Variants in EXOC2 observed in about 807,000 individuals in gnomAD.
EXOC2 encodes SEC5-like 1.
In EXOC2, 70 loss-of-function variants were observed where a neutral mutation model predicts 131.8. That is an observed-to-expected ratio of 0.53 (90% CI 0.44 to 0.65). The LOEUF (loss-of-function observed/expected upper bound fraction) is 0.65, where lower values mean the gene tolerates loss of function less well. EXOC2 is among the 30% of genes least tolerant of loss of function. The pLI, the probability that EXOC2 is intolerant of heterozygous loss-of-function variation, is 0.00. For missense variants in EXOC2, 923 were observed against 1,108.6 expected, an observed-to-expected ratio of 0.83 and a Z score of 2.38; for synonymous variants, 411 against 398.4, an observed-to-expected ratio of 1.03 and a Z score of -0.38.
At position 604,734 on chromosome 6, in the gene EXOC2, C is replaced by T. The variant is rs568512519; in HGVS notation, c.742+5364G>A. On this transcript the variant is annotated intron_variant, in intron 7 of 27. Coordinates refer to ENST00000230449, the MANE Select transcript of EXOC2 (RefSeq NM_018303.6). ...CGCTGGCCCTGCGGGGACACACCTG[C>T]CTCCCTCCACTCAGCCACCCACCGC... Among the ~76,000 whole-genome samples the T allele has an allele frequency of 1.7e-3, 256 of 147,564 alleles. 1 individual carries two copies. Among genetic ancestry groups the T allele is most frequent in the African/African-American group, 6.2e-3 (240 of 38,878 alleles).
intron 23 of EXOC2, among the ~76,000 whole-genome samples, chr6:515,499 T>C (rs910960313): frequency 1.8e-4 from 28 of 152,340 alleles, no homozygotes; most frequent in African/African-American, 6.7e-4. Context: ...CCTGACGCCC[T>C]GAGCACAGAC....
intron 13 of EXOC2, among the ~76,000 whole-genome samples, chr6:566,671 G>T (rs1265146850): frequency 6.6e-6 from 1 of 150,956 alleles, no homozygotes; most frequent in East Asian, 1.9e-4. Flanking sequence ...GTTGCAGTTT[G>T]TTAGGTCTTA....
intron 14 of EXOC2, 76 bp from the exon 15 acceptor site, chr6:564,778 G>A (rs908018268): frequency 6.3e-7 from 1 of 1,579,454 alleles, no homozygotes. Flanking sequence ...ATGCTGCCTG[G>A]GCAGTAATGG....
intron 15 of EXOC2, among the ~76,000 whole-genome samples, 157 bp from the exon 16 acceptor site, chr6:564,311 G>T (rs921559244): frequency 1.3e-5 from 2 of 152,150 alleles, no homozygotes; most frequent in Non-Finnish European, 2.9e-5. Context: ...TACTGTCAGA[G>T]TAATACTGAG....
At chr6:525,666 A>G (rs1035128323) in intron 23 of EXOC2, 1 of 152,216 alleles carries the variant, frequency 6.6e-6, no homozygotes, top group African/African-American at 2.4e-5. Context: ...AAATACATCT[A>G]TTCTGCCCCA....
chr6:584,792 G>A (rs1336684847), intron 11 of EXOC2, among the ~76,000 whole-genome samples: 1 of 152,210 alleles, frequency 6.6e-6, no homozygotes, highest in Non-Finnish European at 1.5e-5. Flanking sequence ...TGTCCTTTTA[G>A]AAGTTCTAAT....
At chr6:610,695 T>C (rs1303722037) in intron 6 of EXOC2, among the ~76,000 whole-genome samples, 1 of 152,182 alleles carries the variant, frequency 6.6e-6, no homozygotes, top group Non-Finnish European at 1.5e-5. Context: ...AGATAATTGG[T>C]CAGAAAATTC....
At chr6:625,094 T>C (rs1249339047) in intron 4 of EXOC2, among the ~76,000 whole-genome samples, 1 of 152,226 alleles carries the variant, frequency 6.6e-6, no homozygotes, top group South Asian at 2.1e-4. Flanking sequence ...TAGATGGCAG[T>C]GTAAGGTCAG....
At chr6:681,074 C>T (rs1038964905) in intron 1 of EXOC2, among the ~76,000 whole-genome samples, 2 of 152,170 alleles carry the variant, frequency 1.3e-5, no homozygotes, top group African/African-American at 4.8e-5. Flanking sequence ...GATGCCATTC[C>T]TTGATTCTGT....
intron 7 of EXOC2, among the ~76,000 whole-genome samples, chr6:600,820 T>C (rs1760090952): frequency 6.6e-6 from 1 of 152,196 alleles, no homozygotes; most frequent in Non-Finnish European, 1.5e-5. Context: ...ATACATGTAC[T>C]TATATGTTGA....
intron 3 of EXOC2, among the ~76,000 whole-genome samples, chr6:632,114 A>G (rs188376068): frequency 6.6e-6 from 1 of 152,340 alleles, no homozygotes; most frequent in Admixed American, 6.5e-5. Context: ...TCTTATTCTA[A>G]AAAGGGAAAG....
At chr6:588,750 G>C (rs1759357882) in intron 11 of EXOC2, among the ~76,000 whole-genome samples, 1 of 152,116 alleles carries the variant, frequency 6.6e-6, no homozygotes, top group African/African-American at 2.4e-5. Flanking sequence ...TGATGAACAA[G>C]GTGCGCAACA....
At chr6:618,746 C>T (rs935061053) in intron 5 of EXOC2, among the ~76,000 whole-genome samples, 9 of 152,148 alleles carry the variant, frequency 5.9e-5, no homozygotes, top group African/African-American at 2.2e-4. Context: ...TCTAGTAATG[C>T]TTTTCACCCT....
At position 562,712 on chromosome 6, in the gene EXOC2, C is replaced by T. The variant is rs568837316; in HGVS notation, c.1851+72G>A. 1.8e-5 allele frequency: 18 copies of T among 1,013,482 alleles called. No individual in the cohort carries two copies. The African/African-American group carries it at 2.8e-4, about 16-fold the overall frequency. The allele number at this position is 1,013,482 out of a possible 1,614,324, so 62.8% of individuals were successfully genotyped here. A position where few individuals can be genotyped will look rare whatever the true frequency, so the allele number is the denominator to read the frequency against. On this transcript the variant is annotated intron_variant, in intron 17 of 27. Transcript: ENST00000230449. Reference sequence around the variant, plus strand: ...GCTGCAACACATGGAGCACATGCTCCCTATTAATATGATAAACTATTTATT... The same window carrying T: ...GCTGCAACACATGGAGCACATGCTCTCTATTAATATGATAAACTATTTATT...
chr6:658,651 A>ATG, intron 1 of EXOC2, among the ~76,000 whole-genome samples: 1 of 75,816 alleles, frequency 1.3e-5, no homozygotes, highest in Middle Eastern at 5.1e-3. Flanking sequence ...TATTTTATAT[A>ATG]TATATATATA....
intron 2 of EXOC2, among the ~76,000 whole-genome samples, chr6:636,618 A>G (rs13215424): frequency 6.6e-6 from 1 of 152,244 alleles, no homozygotes; most frequent in East Asian, 1.9e-4. Flanking sequence ...AGGAAAAGCA[A>G]GTTCCAATTC....
At chr6:594,012 C>T (rs3823130) in intron 10 of EXOC2, among the ~76,000 whole-genome samples, 16,954 of 152,266 alleles carry the variant, frequency 0.11, 1,167 homozygotes, top group East Asian at 0.15. Context: ...ACTCAGGCTG[C>T]CCAGAGGTGG....
chr6:585,638 T>C (rs1427613527), intron 11 of EXOC2, among the ~76,000 whole-genome samples: 1 of 152,230 alleles, frequency 6.6e-6, no homozygotes, highest in Admixed American at 6.5e-5. Flanking sequence ...CAGGGCTACA[T>C]ACAATTAACA....
At chr6:516,941 ACGC>A (rs1274231669) in intron 23 of EXOC2, among the ~76,000 whole-genome samples, 3 of 152,174 alleles carry the variant, frequency 2.0e-5, no homozygotes, top group Admixed American at 6.5e-5. Flanking sequence ...GGTAGAGGGA[ACGC>A]AGGCAGCCTT....
Sources: allele counts gnomAD v4.1 joint callset (sites outside exome capture counted in the v4.1 genomes callset), GRCh38; gene constraint gnomAD v4.1.1; transcripts MANE v1.5; gene names NCBI Gene and HGNC (gene_info 2026-07-23, HGNC 2026-07-21).